AGBL4: variants seen among roughly 807,000 people sequenced by gnomAD.
AGBL4 encodes the protein AGBL carboxypeptidase 4.
In AGBL4, 58 loss-of-function variants were observed where a neutral mutation model predicts 66.4. The observed-to-expected ratio is 0.87, with a 90% confidence interval of 0.71 to 1.09. AGBL4 has a LOEUF of 1.09. AGBL4 is among the 50% of genes least tolerant of loss of function. AGBL4 has a pLI of 0.00. For synonymous variants in AGBL4, 234 were observed against 222.9 expected, an observed-to-expected ratio of 1.05 and a Z score of -0.44; for missense variants, 579 against 631.0, an observed-to-expected ratio of 0.92 and a Z score of 0.88.
At chr1:49,120,938 G>C (rs1427757978) in intron 4 of AGBL4, among the ~76,000 whole-genome samples, 1 of 147,056 alleles carries the variant, frequency 6.8e-6, no homozygotes, top group Non-Finnish European at 1.5e-5. Context: ...TTGCCTTCTT[G>C]CTTTATTTCA....
intron 1 of AGBL4, among the ~76,000 whole-genome samples, chr1:49,853,555 A>T (rs1337626913): frequency 6.6e-6 from 1 of 152,130 alleles, no homozygotes; most frequent in Non-Finnish European, 1.5e-5. Flanking sequence ...AGGATATGAG[A>T]GTAAGAATGA....
At chr1:49,528,427 A>G (rs752210085) in intron 3 of AGBL4, among the ~76,000 whole-genome samples, 21 of 152,068 alleles carry the variant, frequency 1.4e-4, no homozygotes, top group Admixed American at 3.9e-4. Context: ...AGTGTCCCCA[A>G]CTGTTCCAAG....
chr1:49,390,522 G>A (rs1391824597), intron 3 of AGBL4, among the ~76,000 whole-genome samples: 1 of 152,202 alleles, frequency 6.6e-6, no homozygotes, highest in Non-Finnish European at 1.5e-5. Flanking sequence ...CCCTGTGCTA[G>A]GTGCTTTACA....
intron 2 of AGBL4, among the ~76,000 whole-genome samples, chr1:49,794,582 G>A (rs1644684384): frequency 6.6e-6 from 1 of 151,766 alleles, no homozygotes; most frequent in African/African-American, 2.4e-5. Context: ...CAAGTATTGA[G>A]AAATATTTGA....
At chr1:48,564,478 C>A (rs78041021) in intron 11 of AGBL4, among the ~76,000 whole-genome samples, 1 of 151,670 alleles carries the variant, frequency 6.6e-6, no homozygotes, top group Non-Finnish European at 1.5e-5. Context: ...TACCTCTGGG[C>A]TCCTCCTCAT....
chr1:48,927,721 T>C (rs746241357), intron 5 of AGBL4, among the ~76,000 whole-genome samples: 18 of 152,124 alleles, frequency 1.2e-4, no homozygotes, highest in Non-Finnish European at 2.5e-4. Flanking sequence ...GTTGGGTACT[T>C]TCCTCAAAAG....
intron 3 of AGBL4, among the ~76,000 whole-genome samples, chr1:49,546,678 G>C (rs1240344518): frequency 6.6e-6 from 1 of 151,942 alleles, no homozygotes; most frequent in African/African-American, 2.4e-5. Flanking sequence ...ACTGTTTTTT[G>C]ATTTTTTTGA....
At chr1:49,657,037 T>G (rs532010672) in intron 3 of AGBL4, among the ~76,000 whole-genome samples, 4 of 152,060 alleles carry the variant, frequency 2.6e-5, no homozygotes, top group Admixed American at 6.6e-5. Flanking sequence ...AAATAAAGGG[T>G]ATTCAATTAG....
intron 6 of AGBL4, among the ~76,000 whole-genome samples, chr1:48,779,903 G>A (rs1014402822): frequency 6.6e-6 from 1 of 151,766 alleles, no homozygotes; most frequent in Non-Finnish European, 1.5e-5. Flanking sequence ...TAGTAGAGAC[G>A]AGTTTTCACC....
At chr1:49,563,379 C>T (rs541468117) in intron 3 of AGBL4, among the ~76,000 whole-genome samples, 1 of 152,208 alleles carries the variant, frequency 6.6e-6, no homozygotes, top group Non-Finnish European at 1.5e-5. Context: ...GCATCCCTGT[C>T]TTGTGCCAGT....
chr1:48,718,927 G>A (rs147442412), intron 6 of AGBL4, among the ~76,000 whole-genome samples: 636 of 152,294 alleles, frequency 4.2e-3, no homozygotes, highest in Middle Eastern at 6.8e-3. Flanking sequence ...CATACCTGCC[G>A]TGGGATGGGC....
At chr1:48,952,813 C>A (rs1012372432) in intron 5 of AGBL4, among the ~76,000 whole-genome samples, 1 of 152,102 alleles carries the variant, frequency 6.6e-6, no homozygotes, top group African/African-American at 2.4e-5. Context: ...TTGAATGGGG[C>A]CCAACACAAG....
At chr1:49,199,212 C>T (rs1374361117) in intron 4 of AGBL4, among the ~76,000 whole-genome samples, 1 of 152,144 alleles carries the variant, frequency 6.6e-6, no homozygotes, top group South Asian at 2.1e-4. Flanking sequence ...ACACAACTTA[C>T]AAGAGCTAAA....
At chr1:49,453,029 T>C (rs1409529886) in intron 3 of AGBL4, among the ~76,000 whole-genome samples, 3 of 151,934 alleles carry the variant, frequency 2.0e-5, no homozygotes, top group Admixed American at 6.6e-5. Context: ...TCCATTGTTA[T>C]GTGTGTATCC....
intron 3 of AGBL4, among the ~76,000 whole-genome samples, chr1:49,249,475 A>C (rs1437796818): frequency 1.3e-5 from 2 of 152,212 alleles, no homozygotes; most frequent in Non-Finnish European, 2.9e-5. Context: ...AAACATTATC[A>C]ACATCATTAA....
At chr1:49,040,264 A>T (rs1304151755) in intron 5 of AGBL4, among the ~76,000 whole-genome samples, 9 of 152,128 alleles carry the variant, frequency 5.9e-5, no homozygotes, top group African/African-American at 2.2e-4. Context: ...ACAAATTAAA[A>T]CCATAAGGAG....
chr1:49,031,667 T>G (rs1270267956), intron 5 of AGBL4, among the ~76,000 whole-genome samples: 2 of 152,088 alleles, frequency 1.3e-5, no homozygotes, highest in Non-Finnish European at 2.9e-5. Context: ...CTCAACATCA[T>G]TAGTCATAAG....
chr1:48,674,435 T>A (rs1025072007), intron 6 of AGBL4, among the ~76,000 whole-genome samples: 1 of 149,418 alleles, frequency 6.7e-6, no homozygotes, highest in Non-Finnish European at 1.5e-5. Flanking sequence ...ACGTTAAAGC[T>A]GGTGTTCCTT....
At chr1:48,741,428 A>T (rs1032508179) in intron 6 of AGBL4, among the ~76,000 whole-genome samples, 11 of 152,196 alleles carry the variant, frequency 7.2e-5, no homozygotes, top group African/African-American at 2.7e-4. Flanking sequence ...CCAACTTGTC[A>T]TGCCACCTCT....
Sources: allele counts gnomAD v4.1 joint callset (sites outside exome capture counted in the v4.1 genomes callset), GRCh38; gene constraint gnomAD v4.1.1; transcripts MANE v1.5; gene names NCBI Gene and HGNC (gene_info 2026-07-23, HGNC 2026-07-21).